The following PYROXD2 variants were observed in gnomAD, a reference collection of about 807,000 sequenced individuals.
PYROXD2 encodes pyridine nucleotide-disulfide oxidoreductase domain-containing protein 2.
PYROXD2 carries 69 observed loss-of-function variants against 71.1 expected under a neutral mutation model. That is an observed-to-expected ratio of 0.97 (90% CI 0.80 to 1.19). The LOEUF (loss-of-function observed/expected upper bound fraction) is 1.19, where lower values mean the gene tolerates loss of function less well. Among genes scored for constraint, PYROXD2 ranks in the 50% most tolerant of loss-of-function variants. The pLI, the probability that PYROXD2 is intolerant of heterozygous loss-of-function variation, is 0.00. For missense variants in PYROXD2, 745 were observed against 748.9 expected, an observed-to-expected ratio of 0.99 and a Z score of 0.06; for synonymous variants, 287 against 302.7, an observed-to-expected ratio of 0.95 and a Z score of 0.54.
At position 98,397,877 on chromosome 10, in the gene PYROXD2, C is replaced by CT. The variant is rs60678578; in HGVS notation, c.472-380dup. On this transcript the variant is annotated intron_variant, in intron 5 of 15. Transcript: ENST00000370575. ...AAGTTTCTTCCTTCTGTCCTTTCTT[C>CT]TTTTTTTTTTTTTTTTTTTTTTTGA... Among the ~76,000 whole-genome samples, 436 of 84,088 alleles carry CT rather than the reference C, an allele frequency of 5.2e-3. 5 individuals carry two copies. Among genetic ancestry groups the CT allele is most frequent in the Non-Finnish European group, 6.2e-3 (281 of 45,472 alleles). 55.2% of individuals were successfully genotyped at this position (84,088 alleles called of 152,430 possible).
Position 98,383,823 on chromosome 10 carries a change from G to A in PYROXD2, c.1721C>T (p.Ala574Val). Residue 574 changes from alanine to valine, a missense_variant, in exon 16 of 16, where the codon GCC (alanine) becomes GTC (valine). Ala to Val is a moderately conservative substitution (Grantham distance 64). Coordinates refer to ENST00000370575, the MANE Select transcript of PYROXD2 (RefSeq NM_032709.3). ...GAAGRNAAHV[A>V]FRDLKSM ...TCACATGCTCTTGAGGTCCCTAAAG[G>A]CCACATGTGCTGCATTTCGCCCAGC... The A allele has an allele frequency of 6.2e-7, 1 of 1,613,926 alleles. No individual in the cohort carries two copies. The highest frequency in any genetic ancestry group is 8.5e-7 in the Non-Finnish European group (1 of 1,179,954).
At chr10:98,413,186 G>C (rs1441131562) in intron 1 of PYROXD2, among the ~76,000 whole-genome samples, 1 of 152,082 alleles carries the variant, frequency 6.6e-6, no homozygotes, top group African/African-American at 2.4e-5. Flanking sequence ...CCTCATCTTG[G>C]TAACAGAAAA....
chr10:98,387,389 A>C (rs1842789496), intron 13 of PYROXD2, 82 bp from the exon 14 acceptor site: 1 of 886,038 alleles, frequency 1.1e-6, no homozygotes, highest in African/African-American at 1.7e-5. Flanking sequence ...CAAATTTACT[A>C]ACAGTCATTA....
intron 12 of PYROXD2, among the ~76,000 whole-genome samples, 170 bp from the exon 13 acceptor site, chr10:98,388,678 G>A (rs573823603): frequency 1.8e-4 from 28 of 151,790 alleles, no homozygotes; most frequent in Admixed American, 1.2e-3. Context: ...GGCTGCTAGC[G>A]TGGTCCAGAG....
chr10:98,408,468 C>T (rs758295854), intron 2 of PYROXD2, among the ~76,000 whole-genome samples: 5 of 152,190 alleles, frequency 3.3e-5, no homozygotes, highest in Non-Finnish European at 7.3e-5. Flanking sequence ...ATCCGTCTGG[C>T]CTCAGTTTGT....
At chr10:98,392,605 A>C (rs1343694376) in intron 9 of PYROXD2, 39 bp from the exon 10 acceptor site, 1 of 1,603,908 alleles carries the variant, frequency 6.2e-7, no homozygotes, top group Admixed American at 1.7e-5. Flanking sequence ...AACCGCAGGA[A>C]GGGAAATCCA....
rs1473191379 is a variant in PYROXD2, at chr10:98,392,572, G to A, written c.928-6C>T. On this transcript the variant is annotated splice_region_variant and splice_polypyrimidine_tract_variant and intron_variant, in intron 9 of 15. Coordinates refer to ENST00000370575, the MANE Select transcript of PYROXD2 (RefSeq NM_032709.3). ...ACCTGCACCTTCGCCACTGTCTAGAGCCCACCAGAACAAGGCCCCAGAAAC... is the reference window on the plus strand; with the variant it reads ...ACCTGCACCTTCGCCACTGTCTAGAACCCACCAGAACAAGGCCCCAGAAAC... 3 of 1,609,592 alleles carry A rather than the reference G, an allele frequency of 1.9e-6. No homozygotes were observed. The highest frequency in any genetic ancestry group is 2.2e-5 in the South Asian group (2 of 90,996).
chr10:98,394,998 T>G (rs1843108634), intron 8 of PYROXD2, among the ~76,000 whole-genome samples, 198 bp downstream of exon 8: 1 of 152,042 alleles, frequency 6.6e-6, no homozygotes. Context: ...GGCAAGACAC[T>G]CCCTTCTCTG....
Position 98,415,110 on chromosome 10 carries a change from C to T in PYROXD2, c.26G>A (p.Cys9Tyr). Residue 9 changes from cysteine (C) to tyrosine (Y), a missense_variant, in exon 1 of 16, where the codon TGC becomes TAC. Coordinates refer to ENST00000370575, the MANE Select transcript of PYROXD2 (RefSeq NM_032709.3). ...GAAGGGAGAGGCGGCCACAGCCTTGCAGAGACCTCGGCCACTTGCAGCCAT... is the reference window on the plus strand; with the variant it reads ...GAAGGGAGAGGCGGCCACAGCCTTGTAGAGACCTCGGCCACTTGCAGCCAT... MAASGRGL[C>Y]KAVAASPFPA... 6.2e-7 allele frequency: 1 copy of T among 1,613,754 alleles called. No individual in the cohort carries two copies. Among genetic ancestry groups the T allele is most frequent in the South Asian group, 1.1e-5 (1 of 91,002 alleles).
intron 11 of PYROXD2, 87 bp downstream of exon 11, chr10:98,390,923 A>G: frequency 7.4e-7 from 1 of 1,348,154 alleles, no homozygotes; most frequent in Non-Finnish European, 1.1e-6. Flanking sequence ...AATGGAGATG[A>G]TGACTGAGTT....
intron 9 of PYROXD2, 74 bp downstream of exon 9, chr10:98,392,868 C>G: frequency 6.6e-7 from 1 of 1,513,266 alleles, no homozygotes; most frequent in Non-Finnish European, 9.1e-7. Context: ...AAACAAGGGA[C>G]CTTCCAAATC....
Position 98,390,674 on chromosome 10 carries a change from T to G in PYROXD2, c.1216A>C (p.Ile406Leu). 6.2e-7 allele frequency: 1 copy of G among 1,612,906 alleles called. No individual in the cohort carries two copies. Among genetic ancestry groups the G allele is most frequent in the East Asian group, 2.2e-5 (1 of 44,840 alleles). Reference protein sequence around the residue: ...GQPLPHHQCSIHLNCEDTLLL... With the variant: ...GQPLPHHQCSLHLNCEDTLLL... Reference sequence around the variant, plus strand: ...AGGGTGTCTTCACAGTTCAGGTGGATGGAGCATTGGTGATGGGGCAGCGGC... The same window carrying G: ...AGGGTGTCTTCACAGTTCAGGTGGAGGGAGCATTGGTGATGGGGCAGCGGC... The change falls in exon 12 of 16, where the codon ATC (isoleucine) becomes CTC (leucine). Residue 406 changes from isoleucine (I) to leucine (L), a missense_variant. Transcript: ENST00000370575.
At position 98,393,112 on chromosome 10, in the gene PYROXD2, T is replaced by C. The variant is rs1456036048; in HGVS notation, c.786-29A>G. 5.4e-6 allele frequency: 8 copies of C among 1,491,754 alleles called. No homozygotes were observed. The South Asian group carries it at 6.9e-5, about 13-fold the overall frequency. The allele number at this position is 1,491,754 out of a possible 1,614,324, so 92.4% of individuals were successfully genotyped here. A position where few individuals can be genotyped will look rare whatever the true frequency, so the allele number is the denominator to read the frequency against. ...TGGACAGACCATCCGACTCAGATCC[T>C]GGAGGTGGGATCTCATCTCCCCAGA... On this transcript the variant is annotated intron_variant, in intron 8 of 15. Transcript: ENST00000370575.
intron 1 of PYROXD2, chr10:98,414,715 G>C (rs1316733442): frequency 4.2e-5 from 14 of 335,872 alleles, no homozygotes; most frequent in Non-Finnish European, 7.6e-5. Context: ...GAGATATAGG[G>C]AAACCCCTGA....
In PYROXD2 at chr10:98,409,110, T is replaced by A. The variant is rs181760193; in HGVS notation, c.148-1113A>T. ...GCACGCAAGGTGAGCTGCGTCATTCTCCTATTACACAGGAACGATCTCACA... is the reference window on the plus strand; with the variant it reads ...GCACGCAAGGTGAGCTGCGTCATTCACCTATTACACAGGAACGATCTCACA... On this transcript the variant is annotated intron_variant, in intron 2 of 15. Coordinates refer to ENST00000370575, the MANE Select transcript of PYROXD2 (RefSeq NM_032709.3). Among the ~76,000 whole-genome samples the A allele has an allele frequency of 1.8e-3, 281 of 152,316 alleles. 1 individual carries two copies. Among genetic ancestry groups the A allele is most frequent in the Admixed American group, 3.8e-3 (58 of 15,304 alleles).
intron 12 of PYROXD2, 67 bp downstream of exon 12, chr10:98,390,522 GTGGGTGGCA>G: frequency 6.9e-7 from 1 of 1,456,014 alleles, no homozygotes; most frequent in Non-Finnish European, 9.2e-7. Context: ...GATCCCTGCT[GTGGGTGGCA>G]TGGACAGCCC....
intron 6 of PYROXD2, among the ~76,000 whole-genome samples, chr10:98,395,715 G>A (rs1843147487): frequency 6.6e-6 from 1 of 152,240 alleles, no homozygotes; most frequent in Non-Finnish European, 1.5e-5. Context: ...GGGCTACGGT[G>A]AGGATTAAAT....
rs140585056 is a variant in PYROXD2 at position 98,391,029 on chromosome 10, C to T, written c.1116G>A (p.Ser372=). 3.8e-5 allele frequency: 62 copies of T among 1,612,804 alleles called. No homozygotes were observed. In the Admixed American group the frequency reaches 5.2e-4, roughly 13 times the overall value. ...LERISQLDTR[S]PVTKINVAVD... is the part of the protein sequence containing the mutation. Reference sequence around the variant, plus strand: ...TCTTACCATTGATCTTGGTGACAGGCGACCGGGTGTCCAGCTGAGAGATTC... The same window carrying T: ...TCTTACCATTGATCTTGGTGACAGGTGACCGGGTGTCCAGCTGAGAGATTC... The change falls in exon 11 of 16, where the codon TCG becomes TCA. Residue 372 remains serine (S), a synonymous_variant. Coordinates refer to ENST00000370575, the MANE Select transcript of PYROXD2 (RefSeq NM_032709.3).
intron 4 of PYROXD2, among the ~76,000 whole-genome samples, chr10:98,400,888 G>A (rs1336448761): frequency 6.6e-6 from 1 of 152,198 alleles, no homozygotes; most frequent in Non-Finnish European, 1.5e-5. Context: ...GTAGCCTGTT[G>A]CTGCAAACCT....
Sources: gnomAD v4.1 joint callset for allele counts (sites outside exome capture counted in the v4.1 genomes callset) on GRCh38, gnomAD v4.1.1 for gene constraint, MANE v1.5 for transcripts, NCBI Gene and HGNC (gene_info 2026-07-23, HGNC 2026-07-21) for gene names.